ALMS1: variants seen among roughly 807,000 people sequenced by gnomAD.
ALMS1 encodes the protein centrosome-associated protein ALMS1.
A neutral mutation model predicts 352.2 loss-of-function variants in ALMS1; 271 were observed. The ratio of observed to expected loss-of-function variants is 0.77; its 90% CI spans 0.70 to 0.85. The LOEUF (loss-of-function observed/expected upper bound fraction) is 0.85, where lower values mean the gene tolerates loss of function less well. Ranked by LOEUF, ALMS1 falls within the 40% of genes least tolerant of loss-of-function variation. The probability of loss-of-function intolerance (pLI) is 0.00; values close to 1 mark genes in which losing one functional copy is unlikely to be tolerated. For synonymous variants in ALMS1, 1,865 were observed against 1,761.2 expected, an observed-to-expected ratio of 1.06 and a Z score of -1.48; for missense variants, 5,445 against 4,870.7, an observed-to-expected ratio of 1.12 and a Z score of -3.51.
chr2:73,490,192 G>T lies in ALMS1; in HGVS notation c.8233G>T (p.Ala2745Ser). The T allele has an allele frequency of 6.2e-7, 1 of 1,614,164 alleles. No individual in the cohort carries two copies. Among genetic ancestry groups the T allele is most frequent in the Non-Finnish European group, 8.5e-7 (1 of 1,180,032 alleles). The change falls in exon 10 of 23, where the codon GCA (alanine) becomes TCA (serine). Residue 2745 changes from alanine to serine, a missense_variant. Transcript: ENST00000613296. The stretch of plus-strand genomic sequence containing the variant: ...TACTGAAGGTAGCCAGTGTACTGGA[G>T]CATCTGTGGGGGTATTTAATTCTCA... ...GVTEGSQCTGASVGVFNSHFT... is the reference protein window; with the variant it reads ...GVTEGSQCTGSSVGVFNSHFT...
intron 16 of ALMS1, among the ~76,000 whole-genome samples, chr2:73,596,860 C>CTTTTTTTTTTTTTT (rs70965740): frequency 1.9e-3 from 200 of 104,166 alleles, no homozygotes; most frequent in Middle Eastern, 8.3e-3. Flanking sequence ...CCCTCTACCT[C>CTTTTTTTTTTTTTT]TTTTTTTTTT....
chr2:73,460,268 T>A (rs1009295326), intron 9 of ALMS1, among the ~76,000 whole-genome samples: 1 of 152,234 alleles, frequency 6.6e-6, no homozygotes, highest in African/African-American at 2.4e-5. Context: ...CAGATATTTT[T>A]AAATTTCCAT....
intron 11 of ALMS1, among the ~76,000 whole-genome samples, chr2:73,525,839 A>G (rs1427414472): frequency 6.6e-6 from 1 of 152,170 alleles, no homozygotes; most frequent in East Asian, 1.9e-4. Flanking sequence ...ATTACTCAAG[A>G]AATCTTTGCC....
Position 73,609,117 on chromosome 2 carries a change from C to G in ALMS1, c.12463-451C>G, listed in dbSNP as rs182309776. On this transcript the variant is annotated intron_variant, in intron 22 of 22. Coordinates refer to ENST00000613296, the MANE Select transcript of ALMS1 (RefSeq NM_001378454.1). ...CAGTTAATTCTCTGAGAAACCAGAC[C>G]GGCTCCTATGCCTGAAGGGCCATAT... Among the ~76,000 whole-genome samples, 69 of 152,300 alleles carry G rather than the reference C, an allele frequency of 4.5e-4. 2 individuals are homozygous for G. In the East Asian group the frequency reaches 0.013, roughly 29 times the overall value.
Position 73,450,011 on chromosome 2 carries a change from A to G in ALMS1, c.3484A>G (p.Thr1162Ala), listed in dbSNP as rs763680884. The change falls in exon 8 of 23, where the codon ACT becomes GCT. Residue 1162 changes from threonine (T) to alanine (A), a missense_variant. Thr to Ala is a moderately conservative substitution (Grantham distance 58). Coordinates refer to ENST00000613296, the MANE Select transcript of ALMS1 (RefSeq NM_001378454.1). ...TTTCCACCAGCAGGCCTTGCCAGGT[A>G]CTCATATACCTGAAGAGGCTCAGAA... Reference protein sequence around the residue: ...SIFHQQALPGTHIPEEAQKVS... With the variant: ...SIFHQQALPGAHIPEEAQKVS... 5 of 1,613,822 alleles carry G rather than the reference A, an allele frequency of 3.1e-6. No homozygotes were observed. The African/African-American group carries it at 4.0e-5, about 13-fold the overall frequency.
At chr2:73,474,407 GTGTC>G (rs1340354767) in intron 9 of ALMS1, among the ~76,000 whole-genome samples, 72 of 37,548 alleles carry the variant, frequency 1.9e-3, no homozygotes, top group African/African-American at 3.6e-3. Flanking sequence ...GTGTGTGTGT[GTGTC>G]TATTGGTTTA....
At chr2:73,539,591 A>G (rs1390295530) in intron 12 of ALMS1, among the ~76,000 whole-genome samples, 1 of 152,034 alleles carries the variant, frequency 6.6e-6, no homozygotes. Context: ...TAAAGGAGGA[A>G]GTTCGAACCC....
intron 9 of ALMS1, among the ~76,000 whole-genome samples, chr2:73,479,568 T>C (rs575110307): frequency 1.3e-5 from 2 of 152,340 alleles, no homozygotes; most frequent in South Asian, 4.1e-4. Flanking sequence ...TTTTCTTTTT[T>C]ATTGATGTAT....
At chr2:73,493,973 G>C (rs1352800830) in intron 10 of ALMS1, among the ~76,000 whole-genome samples, 2 of 152,206 alleles carry the variant, frequency 1.3e-5, no homozygotes, top group East Asian at 3.9e-4. Context: ...GGTTGTCTCA[G>C]AACGTTGCAA....
intron 6 of ALMS1, among the ~76,000 whole-genome samples, 173 bp downstream of exon 6, chr2:73,426,726 C>G (rs879310726): frequency 6.6e-6 from 1 of 152,148 alleles, no homozygotes; most frequent in Non-Finnish European, 1.5e-5. Context: ...TCATGGTGAT[C>G]TAGAGATGCA....
Position 73,432,244 on chromosome 2 carries a change from G to A in ALMS1, c.1385G>A (p.Arg462Lys). ...CACTCTTCAGATCTCAGAATGTTGA[G>A]GATGTCTCCTGACACTGTGCCAAAG... ...EYHSSDLRMLRMSPDTVPKAP... is the reference protein window; with the variant it reads ...EYHSSDLRMLKMSPDTVPKAP... Residue 462 changes from arginine (R) to lysine (K), a missense_variant, in exon 7 of 23, where the codon AGG becomes AAG. Arg to Lys is a conservative substitution (Grantham distance 26). Transcript: ENST00000613296. The A allele has an allele frequency of 6.2e-7, 1 of 1,613,658 alleles. No individual in the cohort carries two copies. Among genetic ancestry groups the A allele is most frequent in the Non-Finnish European group, 8.5e-7 (1 of 1,179,676 alleles).
chr2:73,451,840 A>G lies in ALMS1; in HGVS notation c.5313A>G (p.Gln1771=). 6.2e-7 allele frequency: 1 copy of G among 1,613,176 alleles called. No homozygotes were observed. The highest frequency in any genetic ancestry group is 2.2e-5 in the East Asian group (1 of 44,750). The change falls in exon 8 of 23, where the codon CAA becomes CAG. Residue 1771 remains glutamine (Q), a synonymous_variant. Transcript: ENST00000613296. ...HTEKPNISYQ[Q]ELPDSHLTEE... ...AGAAGCCTAATATTTCTTACCAGCA[A>G]GAGTTGCCAGATAGTCATCTAACTG...
chr2:73,461,333 C>A (rs564711952), intron 9 of ALMS1, among the ~76,000 whole-genome samples: 2 of 152,300 alleles, frequency 1.3e-5, no homozygotes, highest in South Asian at 4.1e-4. Flanking sequence ...CTGCTGATAC[C>A]CAGGCAAACA....
intron 1 of ALMS1, among the ~76,000 whole-genome samples, chr2:73,388,411 CT>C (rs1186434661): frequency 6.6e-6 from 1 of 152,132 alleles, no homozygotes; most frequent in Admixed American, 6.6e-5. Context: ...TAACATTGTA[CT>C]TGATAGGTAA....
At chr2:73,416,172 C>A (rs1252483633) in intron 2 of ALMS1, among the ~76,000 whole-genome samples, 2 of 152,180 alleles carry the variant, frequency 1.3e-5, no homozygotes, top group Non-Finnish European at 2.9e-5. Flanking sequence ...GCTTTAAAAC[C>A]TTTTGTTGGC....
chr2:73,490,630 A>T lies in ALMS1; in HGVS notation c.8671A>T (p.Ser2891Cys), dbSNP rs1672960221. The change falls in exon 10 of 23, where the codon AGC becomes TGC. Residue 2891 changes from serine to cysteine, a missense_variant. Ser to Cys is a moderately radical substitution (Grantham distance 112, BLOSUM62 -1). Transcript: ENST00000613296. ...FLEQRELFEQSKAPRADDHVR... is the reference protein window; with the variant it reads ...FLEQRELFEQCKAPRADDHVR... ...TGAACAACGAGAGCTCTTTGAACAA[A>T]GCAAAGCCCCACGTGCAGATGACCA... The T allele has an allele frequency of 6.2e-7, 1 of 1,614,094 alleles. No homozygotes were observed. Among genetic ancestry groups the T allele is most frequent in the South Asian group, 1.1e-5 (1 of 91,066 alleles).
chr2:73,544,116 C>G (rs1674258568), intron 12 of ALMS1, among the ~76,000 whole-genome samples: 1 of 152,122 alleles, frequency 6.6e-6, no homozygotes, highest in African/African-American at 2.4e-5. Context: ...GGAACCAACC[C>G]AAATGTCCAA....
intron 1 of ALMS1, among the ~76,000 whole-genome samples, chr2:73,395,078 A>ATATATTT (rs1243905312): frequency 2.0e-5 from 2 of 101,352 alleles, no homozygotes; most frequent in Admixed American, 1.2e-4. Flanking sequence ...ATATATATAT[A>ATATATTT]TTTTTTTTTT....
chr2:73,537,472 T>C (rs970468012), intron 12 of ALMS1, among the ~76,000 whole-genome samples: 1 of 152,160 alleles, frequency 6.6e-6, no homozygotes, highest in Non-Finnish European at 1.5e-5. Flanking sequence ...CATCCCAACA[T>C]ATGTGTGGAG....
Sources: allele counts gnomAD v4.1 joint callset (sites outside exome capture counted in the v4.1 genomes callset), GRCh38; gene constraint gnomAD v4.1.1; transcripts MANE v1.5; gene names NCBI Gene and HGNC (gene_info 2026-07-23, HGNC 2026-07-21).